SLC30A7: variants seen among roughly 807,000 people sequenced by gnomAD.
SLC30A7 encodes zinc transporter 7.
In SLC30A7, 35 loss-of-function variants were observed where a neutral mutation model predicts 46.0. The ratio of observed to expected loss-of-function variants is 0.76; its 90% CI spans 0.58 to 1.01. SLC30A7 has a LOEUF of 1.01. Among genes scored for constraint, SLC30A7 ranks in the 50% least tolerant of loss-of-function variants. The pLI is 0.00. For missense variants in SLC30A7, 464 were observed against 451.1 expected, an observed-to-expected ratio of 1.03 and a Z score of -0.26; for synonymous variants, 147 against 157.8, an observed-to-expected ratio of 0.93 and a Z score of 0.51.
intron 1 of SLC30A7, 24 bp downstream of exon 1, chr1:100,896,366 G>T: frequency 1.9e-6 from 3 of 1,613,394 alleles, no homozygotes; most frequent in Non-Finnish European, 2.5e-6. Context: ...TGTTTGCGGG[G>T]AGGGGGTGTC....
Position 100,912,231 on chromosome 1 carries a change from T to A in SLC30A7, c.504T>A (p.His168Gln). 2 of 1,614,014 alleles carry A rather than the reference T, an allele frequency of 1.2e-6. No individual in the cohort carries two copies. Among genetic ancestry groups the A allele is most frequent in the Non-Finnish European group, 1.7e-6 (2 of 1,179,916 alleles). ...AACATGGAGGTCATGGACATTCTCATGGCTCTGGTATGATGGTTAGGACAC... is the reference window on the plus strand; with the variant it reads ...AACATGGAGGTCATGGACATTCTCAAGGCTCTGGTATGATGGTTAGGACAC... Reference protein sequence around the residue: ...VFKHGGHGHSHGSGHGHSHSL... With the variant: ...VFKHGGHGHSQGSGHGHSHSL... Residue 168 changes from histidine (H) to glutamine (Q), a missense_variant, in exon 5 of 11, where the codon CAT becomes CAA. His to Gln is a conservative substitution (Grantham distance 24). Transcript: ENST00000357650.
chr1:100,952,375 G>A (rs1359843147), intron 8 of SLC30A7, among the ~76,000 whole-genome samples: 1 of 152,114 alleles, frequency 6.6e-6, no homozygotes, highest in Non-Finnish European at 1.5e-5. Flanking sequence ...AATTTGTTGT[G>A]TGTGACTTAA....
Position 100,926,011 on chromosome 1 carries a change from T to G in SLC30A7, c.842+4170T>G, listed in dbSNP as rs544903590. ...GGTACTCCTGCCTGCTAAAACTGAT[T>G]TAGCGTCAGGGGCCCTTTCAATATA... On this transcript the variant is annotated intron_variant, in intron 8 of 10. Coordinates refer to ENST00000357650, the MANE Select transcript of SLC30A7 (RefSeq NM_133496.5). Among the ~76,000 whole-genome samples, 17 of 152,268 alleles carry G rather than the reference T, an allele frequency of 1.1e-4. No individual in the cohort carries two copies. The South Asian group carries it at 3.1e-3, about 28-fold the overall frequency.
chr1:100,938,512 A>G (rs1194880902), intron 8 of SLC30A7, among the ~76,000 whole-genome samples: 6 of 152,150 alleles, frequency 3.9e-5, no homozygotes, highest in Non-Finnish European at 8.8e-5. Context: ...CATTGCCACA[A>G]TTTTTCCAGC....
chr1:100,956,575 A>T (rs932736848), intron 8 of SLC30A7, among the ~76,000 whole-genome samples: 1 of 152,180 alleles, frequency 6.6e-6, no homozygotes, highest in African/African-American at 2.4e-5. Context: ...ATTATTATAG[A>T]TGGGATTCAC....
intron 10 of SLC30A7, among the ~76,000 whole-genome samples, chr1:100,969,592 G>T (rs1019124927): frequency 1.3e-5 from 2 of 152,190 alleles, no homozygotes; most frequent in African/African-American, 4.8e-5. Context: ...TTTTAAAATG[G>T]CTGAAATTGA....
intron 2 of SLC30A7, among the ~76,000 whole-genome samples, chr1:100,900,874 G>C (rs1651263529): frequency 6.6e-6 from 1 of 152,060 alleles, no homozygotes; most frequent in South Asian, 2.1e-4. Context: ...CGTTAGCTTA[G>C]TTACCAATAG....
chr1:100,927,498 T>C (rs1570541995), intron 8 of SLC30A7, among the ~76,000 whole-genome samples: 3 of 150,416 alleles, frequency 2.0e-5, no homozygotes, highest in South Asian at 4.3e-4. Flanking sequence ...GAAATGGAGA[T>C]AGCAACTAAG....
chr1:100,943,909 A>G (rs1216108691), intron 8 of SLC30A7, among the ~76,000 whole-genome samples: 1 of 152,244 alleles, frequency 6.6e-6, no homozygotes, highest in Non-Finnish European at 1.5e-5. Context: ...CCTTTTATAT[A>G]AGAAGAAGAG....
intron 8 of SLC30A7, among the ~76,000 whole-genome samples, chr1:100,961,424 A>G (rs182186526): frequency 1.1e-4 from 16 of 152,278 alleles, no homozygotes; most frequent in African/African-American, 2.9e-4. Flanking sequence ...ATATTTTTTA[A>G]GTAATGAAAT....
At chr1:100,930,389 T>C (rs1168090700) in intron 8 of SLC30A7, among the ~76,000 whole-genome samples, 1 of 150,726 alleles carries the variant, frequency 6.6e-6, no homozygotes, top group East Asian at 1.9e-4. Context: ...TAAATAATGG[T>C]CTGTATAAAA....
chr1:100,906,849 C>T lies in SLC30A7; in HGVS notation c.183-3C>T. 6.2e-7 allele frequency: 1 copy of T among 1,603,564 alleles called. No homozygotes were observed. The highest frequency in any genetic ancestry group is 8.5e-7 in the Non-Finnish European group (1 of 1,171,260). On this transcript the variant is annotated splice_region_variant and splice_polypyrimidine_tract_variant and intron_variant, in intron 2 of 10. Transcript: ENST00000357650. ...ATTTGTCAATGTGTTTGTTCTTTTC[C>T]AGCTTAGGCTTGATTTCCGACTCTT...
intron 9 of SLC30A7, among the ~76,000 whole-genome samples, chr1:100,964,414 T>G (rs555336390): frequency 3.9e-4 from 58 of 147,606 alleles, no homozygotes; most frequent in South Asian, 1.3e-3. Flanking sequence ...TGTATATATA[T>G]AGAGAGAGGG....
At chr1:100,993,973 A>C in the SLC30A7 span, among the ~76,000 whole-genome samples, 1 of 151,768 alleles carries the variant, frequency 6.6e-6, no homozygotes, top group African/African-American at 2.4e-5. Context: ...CGAACTGCTG[A>C]CCTCGTGATC....
At chr1:100,962,921 A>G (rs1331608897) in intron 9 of SLC30A7, among the ~76,000 whole-genome samples, 1 of 152,190 alleles carries the variant, frequency 6.6e-6, no homozygotes, top group Admixed American at 6.5e-5. Flanking sequence ...TTATATTAGC[A>G]GAGGGGAGAG....
At chr1:100,904,544 T>G (rs575914632) in intron 2 of SLC30A7, among the ~76,000 whole-genome samples, 3 of 152,216 alleles carry the variant, frequency 2.0e-5, no homozygotes, top group African/African-American at 7.2e-5. Flanking sequence ...TTTTTTTTTT[T>G]GGCTCTTTGT....
chr1:100,917,257 A>G (rs1652627367), intron 6 of SLC30A7, among the ~76,000 whole-genome samples: 1 of 152,176 alleles, frequency 6.6e-6, no homozygotes, highest in African/African-American at 2.4e-5. Flanking sequence ...CTTCATTCCC[A>G]TACAGCAGTA....
Position 100,896,691 on chromosome 1 carries a change from G to T in SLC30A7, c.182+20G>T. The T allele has an allele frequency of 6.2e-7, 1 of 1,605,630 alleles. No individual in the cohort carries two copies. Among genetic ancestry groups the T allele is most frequent in the Non-Finnish European group, 8.5e-7 (1 of 1,172,926 alleles). On this transcript the variant is annotated intron_variant, in intron 2 of 10. Transcript: ENST00000357650. Reference sequence around the variant, plus strand: ...CAACTGGTAACCAAAGGGGAAAATGGTTTGGGCGGAAGCTGGGTGTGAGGG... The same window carrying T: ...CAACTGGTAACCAAAGGGGAAAATGTTTTGGGCGGAAGCTGGGTGTGAGGG...
At chr1:100,943,656 T>G (rs1416139605) in intron 8 of SLC30A7, among the ~76,000 whole-genome samples, 1 of 152,150 alleles carries the variant, frequency 6.6e-6, no homozygotes, top group East Asian at 1.9e-4. Context: ...AGACATCACT[T>G]TAGAGAGTCC....
Sources: gnomAD v4.1 joint callset for allele counts (sites outside exome capture counted in the v4.1 genomes callset) on GRCh38, gnomAD v4.1.1 for gene constraint, MANE v1.5 for transcripts, NCBI Gene and HGNC (gene_info 2026-07-23, HGNC 2026-07-21) for gene names.